OPCML: variants seen among roughly 807,000 people sequenced by gnomAD.
The protein encoded by OPCML is opioid binding protein/cell adhesion molecule like, also known as opioid-binding protein/cell adhesion molecule.
OPCML carries 13 observed loss-of-function variants against 37.8 expected under a neutral mutation model. The observed-to-expected ratio is 0.34, with a 90% CI of 0.22 to 0.55. The LOEUF (loss-of-function observed/expected upper bound fraction) is 0.55, where lower values mean the gene tolerates loss of function less well. OPCML is among the 20% of genes least tolerant of loss of function. OPCML has a pLI of 0.91. For missense variants in OPCML, 341 were observed against 435.6 expected (o/e 0.78, Z 1.93); for synonymous variants, 176 against 168.8 (o/e 1.04, Z -0.33).
intron 1 of OPCML, among the ~76,000 whole-genome samples, chr11:133,236,024 T>C (rs1265830680): frequency 6.6e-6 from 1 of 152,228 alleles, no homozygotes; most frequent in Non-Finnish European, 1.5e-5. Flanking sequence ...TGTTTTCTCC[T>C]ATACATACAT....
chr11:133,025,443 T>G (rs1468859057), intron 1 of OPCML: 1 of 985,322 alleles, frequency 1.0e-6, no homozygotes, highest in Non-Finnish European at 1.2e-6. Flanking sequence ...GTAACTGTAT[T>G]GAAGAAATCC....
intron 4 of OPCML, chr11:132,525,770 A>T (rs954514607): frequency 3.9e-5 from 6 of 152,220 alleles, no homozygotes; most frequent in African/African-American, 1.4e-4. Flanking sequence ...ACATAGGTAT[A>T]CACGTGCCAT....
At chr11:132,436,368 A>G in intron 6 of OPCML, 131 bp from the exon 7 acceptor site, 1 of 1,563,782 alleles carries the variant, frequency 6.4e-7, no homozygotes, top group East Asian at 2.3e-5. Flanking sequence ...CAGGAGGAGA[A>G]GGGAAATGAT....
At chr11:132,625,573 T>C (rs1402327610) in intron 3 of OPCML, among the ~76,000 whole-genome samples, 1 of 152,172 alleles carries the variant, frequency 6.6e-6, no homozygotes, top group Non-Finnish European at 1.5e-5. Context: ...AAAGAAGAGA[T>C]TCACATTTCC....
chr11:133,124,126 G>A (rs944515882), intron 1 of OPCML, among the ~76,000 whole-genome samples: 1 of 151,774 alleles, frequency 6.6e-6, no homozygotes, highest in East Asian at 1.9e-4. Context: ...TGAGAGGGGG[G>A]ATTAGTCTAC....
intron 2 of OPCML, among the ~76,000 whole-genome samples, chr11:132,818,647 T>TGTATATATATAG: frequency 0.026 from 1 of 38 alleles, no homozygotes; most frequent in Non-Finnish European, 0.056. Flanking sequence ...GATATGAGTG[T>TGTATATATATAG]ATATATATAT....
At chr11:133,417,472 T>C (rs886453930) in intron 1 of OPCML, among the ~76,000 whole-genome samples, 7 of 151,430 alleles carry the variant, frequency 4.6e-5, no homozygotes, top group Non-Finnish European at 1.0e-4. Context: ...CTTTTATTTA[T>C]TTATTTATTT....
chr11:133,441,542 A>G (rs1374720172), intron 1 of OPCML, among the ~76,000 whole-genome samples: 2 of 152,176 alleles, frequency 1.3e-5, no homozygotes, highest in Non-Finnish European at 2.9e-5. Context: ...CATACATTTT[A>G]TAATTTCAAA....
At chr11:132,993,122 C>A (rs2136823130) in intron 1 of OPCML, among the ~76,000 whole-genome samples, 1 of 152,316 alleles carries the variant, frequency 6.6e-6, no homozygotes, top group African/African-American at 2.4e-5. Context: ...GTTTCAAGAG[C>A]ATGCACGTTA....
intron 2 of OPCML, among the ~76,000 whole-genome samples, chr11:132,746,815 A>G (rs1945650771): frequency 1.3e-5 from 2 of 152,160 alleles, no homozygotes; most frequent in African/African-American, 4.8e-5. Flanking sequence ...TGAAGAGAAA[A>G]GCATGAGATA....
chr11:132,472,899 GTATGCTC>G (rs1565591572), intron 4 of OPCML, among the ~76,000 whole-genome samples: 1 of 152,154 alleles, frequency 6.6e-6, no homozygotes, highest in Non-Finnish European at 1.5e-5. Context: ...AAAATGCCTC[GTATGCTC>G]TGAATGTTAA....
At chr11:133,182,053 A>G (rs1305303281) in intron 1 of OPCML, among the ~76,000 whole-genome samples, 2 of 152,182 alleles carry the variant, frequency 1.3e-5, no homozygotes, top group Non-Finnish European at 2.9e-5. Flanking sequence ...GTTCTTCTGG[A>G]AGAATTCTCC....
chr11:133,264,206 A>T (rs923152509), intron 1 of OPCML, among the ~76,000 whole-genome samples: 5 of 152,178 alleles, frequency 3.3e-5, no homozygotes, highest in Non-Finnish European at 7.3e-5. Context: ...AAGGCAAGTT[A>T]ATACCTGAAG....
chr11:132,998,298 C>T (rs1426614155), intron 1 of OPCML, among the ~76,000 whole-genome samples: 1 of 152,142 alleles, frequency 6.6e-6, no homozygotes, highest in Non-Finnish European at 1.5e-5. Flanking sequence ...GCAGAGTTCA[C>T]CCAGTGGCTT....
At chr11:132,503,658 T>C (rs1320817810) in intron 4 of OPCML, among the ~76,000 whole-genome samples, 1 of 152,118 alleles carries the variant, frequency 6.6e-6, no homozygotes, top group Non-Finnish European at 1.5e-5. Context: ...AAATAGAAAC[T>C]AGCATTATAA....
chr11:133,147,088 C>T (rs1308095671), intron 1 of OPCML, among the ~76,000 whole-genome samples: 6 of 152,182 alleles, frequency 3.9e-5, no homozygotes, highest in African/African-American at 1.4e-4. Flanking sequence ...AGCAACAGGG[C>T]ACGGCACCCA....
chr11:133,432,197 C>T (rs1467310754), intron 1 of OPCML, among the ~76,000 whole-genome samples: 2 of 152,154 alleles, frequency 1.3e-5, no homozygotes, highest in South Asian at 2.1e-4. Flanking sequence ...CACCGCAACA[C>T]GCAATTTACC....
At chr11:132,423,026 T>A (rs2095965382) in intron 7 of OPCML, among the ~76,000 whole-genome samples, 1 of 152,142 alleles carries the variant, frequency 6.6e-6, no homozygotes, top group Admixed American at 6.5e-5. Flanking sequence ...GCTCTCTGAG[T>A]TATTACATGA....
At chr11:133,073,064 TC>T (rs528768565) in intron 1 of OPCML, among the ~76,000 whole-genome samples, 13 of 152,266 alleles carry the variant, frequency 8.5e-5, no homozygotes, top group African/African-American at 2.9e-4. Flanking sequence ...TGAGGCTCAG[TC>T]CTGAACAGCC....
Sources: allele counts gnomAD v4.1 joint callset (sites outside exome capture counted in the v4.1 genomes callset), GRCh38; gene constraint gnomAD v4.1.1; transcripts MANE v1.5; gene names NCBI Gene and HGNC (gene_info 2026-07-23, HGNC 2026-07-21).